Variants in CMKLR1 observed in about 807,000 individuals in gnomAD.
The protein encoded by CMKLR1 is chemerin-like receptor 1.
Under a neutral mutation model 8.2 loss-of-function variants are expected in CMKLR1, and 6 were observed. The ratio of observed to expected loss-of-function variants is 0.73; its 90% CI spans 0.40 to 1.44. CMKLR1 has a LOEUF of 1.44. Among genes scored for constraint, CMKLR1 ranks in the 40% most tolerant of loss-of-function variants. CMKLR1 has a pLI of 0.02. For missense variants in CMKLR1, 429 were observed against 478.0 expected (o/e 0.90, Z 0.96); for synonymous variants, 178 against 181.2 (o/e 0.98, Z 0.14).
At chr12:108,296,626 G>A (rs565103462) in intron 2 of CMKLR1, among the ~76,000 whole-genome samples, 6 of 152,302 alleles carry the variant, frequency 3.9e-5, no homozygotes, top group Admixed American at 2.6e-4. Flanking sequence ...AGGAGTTTGA[G>A]ACCAGCCTGG....
At position 108,293,018 on chromosome 12, in the gene CMKLR1, C is replaced by T. The variant is rs958421726; in HGVS notation, c.4-59G>A. 18 of 1,470,628 alleles carry T rather than the reference C, an allele frequency of 1.2e-5. No individual in the cohort carries two copies. The African/African-American group carries it at 2.5e-4, about 21-fold the overall frequency. 91.1% of individuals were successfully genotyped at this position (1,470,628 alleles called of 1,614,324 possible). A position where few individuals can be genotyped will look rare whatever the true frequency, so the allele number is the denominator to read the frequency against. ...CTAGAGTTGGCTTTAAGAGGTTGAC[C>T]AATACCAGCAAGACCAACAATGTTC... On this transcript the variant is annotated intron_variant, in intron 3 of 3. Coordinates refer to ENST00000550402, the MANE Select transcript of CMKLR1 (RefSeq NM_001142343.2).
intron 2 of CMKLR1, among the ~76,000 whole-genome samples, chr12:108,322,525 G>C (rs1329992415): frequency 6.6e-6 from 1 of 152,092 alleles, no homozygotes; most frequent in African/African-American, 2.4e-5. Flanking sequence ...ACTCCTGCTT[G>C]TCCTTCAAAT....
intron 1 of CMKLR1, among the ~76,000 whole-genome samples, chr12:108,331,743 G>C (rs560862664): frequency 6.6e-6 from 1 of 152,292 alleles, no homozygotes; most frequent in South Asian, 2.1e-4. Context: ...GACTCAACCT[G>C]CGGTTGCTGG....
intron 2 of CMKLR1, among the ~76,000 whole-genome samples, chr12:108,310,012 G>C (rs1236458570): frequency 6.6e-6 from 1 of 152,220 alleles, no homozygotes; most frequent in African/African-American, 2.4e-5. Context: ...ACAAAGTAAA[G>C]AGAAAGGGCT....
Position 108,292,259 on chromosome 12 carries a change from A to T in CMKLR1, c.704T>A (p.Ile235Asn), listed in dbSNP as rs200591654. The change falls in exon 4 of 4, where the codon ATC (isoleucine) becomes AAC (asparagine). Residue 235 changes from isoleucine to asparagine, a missense_variant. Physicochemically the swap from Ile to Asn is moderately radical, Grantham distance 149 (BLOSUM62 -3). Transcript: ENST00000550402. Reference sequence around the variant, plus strand: ...GATGGTGAGGTAGCAAGCTGTGATGATGAGGACTGGGACCAGGAAGCCACA... The same window carrying T: ...GATGGTGAGGTAGCAAGCTGTGATGTTGAGGACTGGGACCAGGAAGCCACA... ...FLCGFLVPVL[I>N]ITACYLTIVC... 1 of 1,613,994 alleles carries T rather than the reference A, an allele frequency of 6.2e-7. No homozygotes were observed. The highest frequency in any genetic ancestry group is 8.5e-7 in the Non-Finnish European group (1 of 1,180,012).
At chr12:108,311,855 G>C (rs1031467657) in intron 2 of CMKLR1, among the ~76,000 whole-genome samples, 1 of 152,178 alleles carries the variant, frequency 6.6e-6, no homozygotes, top group Non-Finnish European at 1.5e-5. Flanking sequence ...ACTGCTGGGG[G>C]GACCTCAGAG....
chr12:108,293,397 C>T (rs1348238009), intron 3 of CMKLR1, among the ~76,000 whole-genome samples, 192 bp downstream of exon 3: 1 of 152,170 alleles, frequency 6.6e-6, no homozygotes, highest in African/African-American at 2.4e-5. Context: ...AATTGTTCAT[C>T]AAAAAGTCCC....
rs1025610732 is a variant in CMKLR1, at chr12:108,291,622, T to C, written c.*219A>G. On this transcript the variant is annotated 3_prime_UTR_variant, in exon 4 of 4. Transcript: ENST00000550402. Reference sequence around the variant, plus strand: ...GTCAAGGCTGGCCTCCCAAGAAGCATAAATTGCTAGTCCAAGGCTGTATGG... The same window carrying C: ...GTCAAGGCTGGCCTCCCAAGAAGCACAAATTGCTAGTCCAAGGCTGTATGG... The C allele has an allele frequency of 1.9e-6, 1 of 537,800 alleles. No individual in the cohort carries two copies. Among genetic ancestry groups the C allele is most frequent in the South Asian group, 2.8e-5 (1 of 35,942 alleles). The allele number at this position is 537,800 out of a possible 1,614,324, so 33.3% of individuals were successfully genotyped here.
At chr12:108,310,949 G>GC (rs1363232002) in intron 2 of CMKLR1, among the ~76,000 whole-genome samples, 31 of 150,818 alleles carry the variant, frequency 2.1e-4, no homozygotes, top group South Asian at 6.5e-4. Flanking sequence ...TTCGAAGACC[G>GC]CCCCCCCACC....
intron 2 of CMKLR1, among the ~76,000 whole-genome samples, chr12:108,323,923 G>A (rs1891921021): frequency 6.6e-6 from 1 of 152,228 alleles, no homozygotes; most frequent in South Asian, 2.1e-4. Flanking sequence ...TGGCCCCACA[G>A]CCAAGGACCT....
intron 2 of CMKLR1, among the ~76,000 whole-genome samples, chr12:108,317,266 T>C (rs1001950796): frequency 7.2e-5 from 11 of 152,232 alleles, no homozygotes; most frequent in Non-Finnish European, 1.6e-4. Flanking sequence ...AGTCATTATG[T>C]GCTCTAGAGG....
chr12:108,292,681 G>T lies in CMKLR1; in HGVS notation c.282C>A (p.Ile94=). The change falls in exon 4 of 4, where the codon ATC becomes ATA. Residue 94 remains isoleucine (I), a synonymous_variant. Transcript: ENST00000550402. ...ADFLFNVFLP[I]HITYAAMDYH... is the part of the protein sequence containing the mutation. ...AGTCCATGGCGGCATAGGTGATATG[G>T]ATTGGGAGGAAGACGTTGAACAGGA... The T allele has an allele frequency of 6.2e-7, 1 of 1,614,172 alleles. No individual in the cohort carries two copies. Among genetic ancestry groups the T allele is most frequent in the Non-Finnish European group, 8.5e-7 (1 of 1,180,042 alleles).
intron 2 of CMKLR1, among the ~76,000 whole-genome samples, chr12:108,312,004 C>T (rs1046652534): frequency 3.9e-5 from 6 of 152,174 alleles, no homozygotes; most frequent in Non-Finnish European, 8.8e-5. Context: ...CTTGCTTCTC[C>T]CAGCCTCATG....
intron 2 of CMKLR1, among the ~76,000 whole-genome samples, chr12:108,312,824 T>C (rs2137320090): frequency 6.6e-6 from 1 of 152,222 alleles, no homozygotes; most frequent in East Asian, 1.9e-4. Context: ...ACATTCACAA[T>C]GCTACCTCAC....
rs531871836 is a variant in CMKLR1 at position 108,311,571 on chromosome 12, A to G, written c.-73-17907T>C. ...AGCCCAGGAAGTCGAGGCTGCAGTG[A>G]GCTATGATTGCACCACTGCGCTCCA... On this transcript the variant is annotated intron_variant, in intron 2 of 3. Transcript: ENST00000550402. 2.0e-5 allele frequency among the ~76,000 whole-genome samples: 3 copies of G among 152,308 alleles called. No individual in the cohort carries two copies. In the East Asian group the frequency reaches 5.8e-4, roughly 29 times the overall value.
chr12:108,293,582 T>G lies in CMKLR1; in HGVS notation c.3+7A>C, dbSNP rs1891051495. ...CCTTTGGAGTTCAGACCACAAGACT[T>G]CCTCACCATTCACCGTTATGTTGTC... On this transcript the variant is annotated splice_region_variant and intron_variant, in intron 3 of 3. Coordinates refer to ENST00000550402, the MANE Select transcript of CMKLR1 (RefSeq NM_001142343.2). The G allele has an allele frequency of 3.2e-6, 5 of 1,551,090 alleles. No individual in the cohort carries two copies. The highest frequency in any genetic ancestry group is 4.4e-6 in the Non-Finnish European group (5 of 1,146,982).
chr12:108,329,684 C>T (rs1892059098), intron 2 of CMKLR1, among the ~76,000 whole-genome samples: 1 of 152,184 alleles, frequency 6.6e-6, no homozygotes, highest in Non-Finnish European at 1.5e-5. Context: ...AACATTAAAG[C>T]CAACCTTCTG....
chr12:108,291,929 G>C lies in CMKLR1; in HGVS notation c.1034C>G (p.Ser345Cys), dbSNP rs200353879. The part of the protein sequence containing the change: ...VNALSEDTGH[S>C]SYPSHRSFTK... ...AAAGCTTCTATGGCTGGGGTAGGAAGAGTGGCCTGTATCTTCACTTAGAGC... is the reference window on the plus strand; with the variant it reads ...AAAGCTTCTATGGCTGGGGTAGGAACAGTGGCCTGTATCTTCACTTAGAGC... Residue 345 changes from serine to cysteine, a missense_variant, in exon 4 of 4, where the codon TCT becomes TGT. Transcript: ENST00000550402. 1.9e-6 allele frequency: 3 copies of C among 1,614,192 alleles called. No homozygotes were observed. The highest frequency in any genetic ancestry group is 2.5e-6 in the Non-Finnish European group (3 of 1,180,040).
At chr12:108,314,944 T>G (rs1318325164) in intron 2 of CMKLR1, among the ~76,000 whole-genome samples, 5 of 150,058 alleles carry the variant, frequency 3.3e-5, no homozygotes, top group Admixed American at 6.6e-5. Context: ...GTTTTTTTTT[T>G]TTTTTTTTTT....
Sources: gnomAD v4.1 joint callset for allele counts (sites outside exome capture counted in the v4.1 genomes callset) on GRCh38, gnomAD v4.1.1 for gene constraint, MANE v1.5 for transcripts, NCBI Gene and HGNC (gene_info 2026-07-23, HGNC 2026-07-21) for gene names.